Variants in ZNF81 observed in about 807,000 individuals in gnomAD.
The protein encoded by ZNF81 is zinc finger protein 81 (HFZ20).
Under a neutral mutation model 32.3 loss-of-function variants are expected in ZNF81, and 5 were observed. That is an observed-to-expected ratio of 0.15 (90% confidence interval 0.08 to 0.33). The LOEUF (loss-of-function observed/expected upper bound fraction) is 0.33. ZNF81 is among the 10% of genes least tolerant of loss of function. The probability of loss-of-function intolerance (pLI) is 1.00; values close to 1 mark genes in which losing one functional copy is unlikely to be tolerated. For synonymous variants in ZNF81, 163 were observed against 166.8 expected, an observed-to-expected ratio of 0.98 and a Z score of 0.17; for missense variants, 379 against 479.8, an observed-to-expected ratio of 0.79 and a Z score of 1.96.
intron 2 of ZNF81, among the ~76,000 whole-genome samples, chrX:47,856,440 AG>A (rs1381096791): frequency 9.0e-6 from 1 of 111,704 alleles, no homozygotes; most frequent in African/African-American, 3.3e-5. Context: ...ATGAGCATTA[AG>A]GGGGAAAACA....
intron 2 of ZNF81, among the ~76,000 whole-genome samples, chrX:47,852,415 C>T (rs782109038): frequency 5.3e-5 from 6 of 112,316 alleles, no homozygotes; most frequent in African/African-American, 1.9e-4. Context: ...ATTTTACCCA[C>T]AGTAGAAATC....
chrX:47,891,206 A>ATT (rs1171846901), intron 3 of ZNF81, among the ~76,000 whole-genome samples: 2 of 112,856 alleles, frequency 1.8e-5, no homozygotes, highest in African/African-American at 6.4e-5. Flanking sequence ...ACAAAAAAAC[A>ATT]TTTGCCAGAT....
At chrX:47,841,026 C>G (rs1407140793) in intron 1 of ZNF81, 3 of 858,016 alleles carry the variant, frequency 3.5e-6, no homozygotes, top group Non-Finnish European at 5.1e-6. Flanking sequence ...TGCCCGTCTC[C>G]TTGAGGAAGC....
chrX:47,868,331 C>CT (rs200365560), intron 2 of ZNF81, among the ~76,000 whole-genome samples: 6,848 of 110,744 alleles, frequency 0.062, 255 homozygotes, highest in African/African-American at 0.14. Flanking sequence ...TAAGTAGATG[C>CT]TTTTTTTTAT....
At chrX:47,864,440 A>G (rs1453800244) in intron 2 of ZNF81, among the ~76,000 whole-genome samples, 2 of 112,057 alleles carry the variant, frequency 1.8e-5, no homozygotes, top group African/African-American at 6.5e-5. Flanking sequence ...CAGTGGTGCA[A>G]CCTCAGTGAA....
chrX:47,862,647 G>A (rs1361244953), intron 2 of ZNF81, among the ~76,000 whole-genome samples: 1 of 112,080 alleles, frequency 8.9e-6, no homozygotes, highest in Non-Finnish European at 1.9e-5. Flanking sequence ...GGGACACAGG[G>A]TGAGAGTACC....
chrX:47,909,385 C>T (rs1185460586), intron 4 of ZNF81, among the ~76,000 whole-genome samples: 1 of 111,292 alleles, frequency 9.0e-6, no homozygotes, highest in African/African-American at 3.3e-5. Context: ...ATGTACTTTT[C>T]ATAGAGGCTT....
At chrX:47,899,291 T>TG (rs1285387649) in intron 4 of ZNF81, among the ~76,000 whole-genome samples, 1 of 4,817 alleles carries the variant, frequency 2.1e-4, no homozygotes, top group South Asian at 0.33. Flanking sequence ...TGTTTCATAG[T>TG]TTTTTTTTTT....
intron 2 of ZNF81, among the ~76,000 whole-genome samples, chrX:47,849,517 C>G (rs782544360): frequency 1.1e-4 from 12 of 110,682 alleles, no homozygotes; most frequent in Non-Finnish European, 2.3e-4. Flanking sequence ...ACTAAAAATA[C>G]AAAAATTAGC....
rs782693460 is a variant in ZNF81 at position 47,895,899 on chromosome X, C to A, written c.236C>A (p.Pro79Gln). ...VIFKLEQGEGPWTLEGEAPHQ... is the reference protein window; with the variant it reads ...VIFKLEQGEGQWTLEGEAPHQ... ...TTCAAGTTGGAGCAAGGAGAGGGGC[C>A]ATGGACATTGGAAGGGGAAGCCCCA... The change falls in exon 4 of 5, where the codon CCA becomes CAA. Residue 79 changes from proline to glutamine, a missense_variant. Pro to Gln is a moderately conservative substitution (Grantham distance 76, BLOSUM62 -1). Coordinates refer to ENST00000338637, the MANE Select transcript of ZNF81 (RefSeq NM_007137.5). The A allele has an allele frequency of 8.3e-7, 1 of 1,210,865 alleles. No homozygotes were observed. Among genetic ancestry groups the A allele is most frequent in the Non-Finnish European group, 1.1e-6 (1 of 894,863 alleles).
In ZNF81 at chrX:47,895,831, T is replaced by C; in HGVS notation, c.182-14T>C. Reference sequence around the variant, plus strand: ...ATTTGCTGGACCCAATTCTCTATCGTGTCCTGTTAACAGGGTTCGAAGTTC... The same window carrying C: ...ATTTGCTGGACCCAATTCTCTATCGCGTCCTGTTAACAGGGTTCGAAGTTC... On this transcript the variant is annotated splice_polypyrimidine_tract_variant and intron_variant, in intron 3 of 4. Coordinates refer to ENST00000338637, the MANE Select transcript of ZNF81 (RefSeq NM_007137.5). 1 of 1,175,750 alleles carries C rather than the reference T, an allele frequency of 8.5e-7. No individual in the cohort carries two copies. Among genetic ancestry groups the C allele is most frequent in the Non-Finnish European group, 1.2e-6 (1 of 863,338 alleles).
intron 4 of ZNF81, among the ~76,000 whole-genome samples, chrX:47,911,222 A>G (rs1556889875): frequency 9.0e-6 from 1 of 110,994 alleles, no homozygotes; most frequent in African/African-American, 3.3e-5. Flanking sequence ...CGGTTTCCTT[A>G]ATTTATGCTT....
In ZNF81 at chrX:47,916,208, C is replaced by T. The variant is rs782236962; in HGVS notation, c.1562C>T (p.Thr521Ile). ...CTCAATACTCACCAGAAGTCTCATA[C>T]TGGAGAAAAGTCTTATATATGTGCT... ...SNLNTHQKSH[T>I]GEKSYICAEC... Residue 521 changes from threonine to isoleucine, a missense_variant, in exon 5 of 5, where the codon ACT (threonine) becomes ATT (isoleucine). Coordinates refer to ENST00000338637, the MANE Select transcript of ZNF81 (RefSeq NM_007137.5). The T allele has an allele frequency of 8.3e-7, 1 of 1,211,378 alleles. No homozygotes were observed. Among genetic ancestry groups the T allele is most frequent in the Admixed American group, 2.2e-5 (1 of 45,940 alleles).
chrX:47,866,615 A>G (rs1556883308), intron 2 of ZNF81, among the ~76,000 whole-genome samples: 2 of 111,453 alleles, frequency 1.8e-5, no homozygotes, highest in Non-Finnish European at 3.8e-5. Flanking sequence ...GCAAAAATCA[A>G]ACTTCTATAT....
intron 2 of ZNF81, among the ~76,000 whole-genome samples, chrX:47,865,701 C>T (rs1255560239): frequency 9.0e-6 from 1 of 111,639 alleles, no homozygotes; most frequent in Non-Finnish European, 1.9e-5. Flanking sequence ...ATAATGTCTC[C>T]CATACCTAAA....
At chrX:47,849,262 G>A (rs183891794) in intron 2 of ZNF81, among the ~76,000 whole-genome samples, 7 of 111,512 alleles carry the variant, frequency 6.3e-5, no homozygotes, top group South Asian at 3.7e-4. Context: ...ATGTATGGCC[G>A]AATGAGTTAT....
rs909453168 is a variant in ZNF81 at position 47,907,411 on chromosome X, T to C, written c.278-7513T>C. On this transcript the variant is annotated intron_variant, in intron 4 of 4. Transcript: ENST00000338637. Reference sequence around the variant, plus strand: ...ACTGTCTTGTTCAGCATACCAATATTGTATGTTACAAATCATCATTTCTAA... The same window carrying C: ...ACTGTCTTGTTCAGCATACCAATATCGTATGTTACAAATCATCATTTCTAA... 9.4e-5 allele frequency among the ~76,000 whole-genome samples: 10 copies of C among 106,052 alleles called. No homozygotes were observed. In the Admixed American group the frequency reaches 1.0e-3, roughly 11 times the overall value. The allele number at this position is 106,052 out of a possible 115,157, so 92.1% of individuals were successfully genotyped here.
intron 3 of ZNF81, among the ~76,000 whole-genome samples, chrX:47,890,661 C>G (rs2058659213): frequency 8.9e-6 from 1 of 111,958 alleles, no homozygotes; most frequent in African/African-American, 3.2e-5. Context: ...AGAGTCTTCT[C>G]TTGTTCTGGT....
chrX:47,904,197 A>G (rs2058710855), intron 4 of ZNF81, among the ~76,000 whole-genome samples: 1 of 112,064 alleles, frequency 8.9e-6, no homozygotes, highest in South Asian at 3.7e-4. Flanking sequence ...CAACAACAAA[A>G]GCCAAAATTG....
Sources: allele counts gnomAD v4.1 joint callset (sites outside exome capture counted in the v4.1 genomes callset), GRCh38; gene constraint gnomAD v4.1.1; transcripts MANE v1.5; gene names NCBI Gene and HGNC (gene_info 2026-07-23, HGNC 2026-07-21).